Variants in SUCO observed in about 807,000 individuals in gnomAD.
The protein encoded by SUCO is SUN domain-containing ossification factor.
A neutral mutation model predicts 148.1 loss-of-function variants in SUCO; 57 were observed. The ratio of observed to expected loss-of-function variants is 0.38; its 90% confidence interval spans 0.31 to 0.48. SUCO has a LOEUF of 0.48. Among genes scored for constraint, SUCO ranks in the 20% least tolerant of loss-of-function variants. The probability of loss-of-function intolerance (pLI) is 0.96; values close to 1 mark genes in which losing one functional copy is unlikely to be tolerated. For missense variants in SUCO, 1,331 were observed against 1,468.2 expected (o/e 0.91, Z 1.53); for synonymous variants, 470 against 502.7 (o/e 0.93, Z 0.87).
intron 15 of SUCO, among the ~76,000 whole-genome samples, chr1:172,580,152 A>G (rs1462884719): frequency 6.6e-6 from 1 of 152,020 alleles, no homozygotes; most frequent in Non-Finnish European, 1.5e-5. Flanking sequence ...CTCTCCTTCT[A>G]GCCTTTTCTT....
At chr1:172,537,511 A>G (rs568125187) in intron 1 of SUCO, among the ~76,000 whole-genome samples, 6 of 152,288 alleles carry the variant, frequency 3.9e-5, no homozygotes, top group South Asian at 2.1e-4. Context: ...GTGAGGGTCA[A>G]TTCAGTTAAA....
upstream of SUCO, chr1:172,532,455 T>A (rs1044302330): frequency 1.9e-6 from 3 of 1,590,768 alleles, no homozygotes; most frequent in African/African-American, 4.1e-5. Context: ...CGAAAGGTTT[T>A]CCGCTGCAAC....
chr1:172,558,309 G>C (rs1653892394), intron 6 of SUCO, among the ~76,000 whole-genome samples: 1 of 152,164 alleles, frequency 6.6e-6, no homozygotes, highest in African/African-American at 2.4e-5. Context: ...CAGTGGAACA[G>C]TTTTACTTTC....
At chr1:172,549,786 A>G (rs1006164059) in intron 1 of SUCO, among the ~76,000 whole-genome samples, 1 of 151,820 alleles carries the variant, frequency 6.6e-6, no homozygotes, top group Non-Finnish European at 1.5e-5. Context: ...TAGTTGTAAC[A>G]TACACCCTTA....
intron 18 of SUCO, chr1:172,590,414 G>T (rs1471707383): frequency 1.0e-6 from 1 of 964,488 alleles, no homozygotes; most frequent in Non-Finnish European, 1.2e-6. Flanking sequence ...CCTAGTTCTA[G>T]TTGTAATAAT....
intron 6 of SUCO, among the ~76,000 whole-genome samples, chr1:172,559,510 G>A (rs1489467351): frequency 1.3e-5 from 2 of 152,192 alleles, no homozygotes; most frequent in African/African-American, 4.8e-5. Context: ...CAAGCCAGTG[G>A]TATTAAACAG....
At position 172,577,831 on chromosome 1, in the gene SUCO, C is replaced by CA; in HGVS notation, c.1340+16dup. The stretch of plus-strand genomic sequence containing the variant: ...TTAAGCCTTATAAGGTAATGCAGAA[C>CA]AAAATACATTTATTGAGTTTTTAAA... On this transcript the variant is annotated intron_variant, in intron 13 of 23. Transcript: ENST00000263688. The CA allele has an allele frequency of 1.9e-6, 3 of 1,588,068 alleles. No individual in the cohort carries two copies. Among genetic ancestry groups the CA allele is most frequent in the Non-Finnish European group, 2.6e-6 (3 of 1,165,930 alleles).
intron 19 of SUCO, among the ~76,000 whole-genome samples, chr1:172,593,498 T>C (rs1056603306): frequency 2.6e-5 from 4 of 152,242 alleles, no homozygotes; most frequent in African/African-American, 4.8e-5. Flanking sequence ...TTGTTGAATT[T>C]TGTCAAAGGC....
intron 1 of SUCO, among the ~76,000 whole-genome samples, chr1:172,540,319 G>GT (rs1652356713): frequency 1.3e-5 from 2 of 152,254 alleles, no homozygotes; most frequent in South Asian, 2.1e-4. Flanking sequence ...CAAAGTGTCA[G>GT]TTTTTTTCAT....
chr1:172,585,323 C>A, intron 16 of SUCO: 2 of 194,100 alleles, frequency 1.0e-5, no homozygotes, highest in Non-Finnish European at 1.9e-5. Context: ...CTTCTCCTAG[C>A]TCTAATATTA....
rs1653730966 is a variant in SUCO at position 172,556,014 on chromosome 1, C to T, written c.434C>T (p.Ser145Leu). 2 of 1,609,906 alleles carry T rather than the reference C, an allele frequency of 1.2e-6. No homozygotes were observed. Among genetic ancestry groups the T allele is most frequent in the South Asian group, 2.2e-5 (2 of 90,648 alleles). Reference protein sequence around the residue: ...SSSTSEITPISKLDEIEKSGT... With the variant: ...SSSTSEITPILKLDEIEKSGT... ...TCTACCTCAGAAATCACTCCAATCTCAAAGCTTGAGTAAGTTGTTACAAAA... is the reference window on the plus strand; with the variant it reads ...TCTACCTCAGAAATCACTCCAATCTTAAAGCTTGAGTAAGTTGTTACAAAA... The change falls in exon 4 of 24, where the codon TCA (serine) becomes TTA (leucine). Residue 145 changes from serine to leucine, a missense_variant. Ser to Leu is a moderately radical substitution (Grantham distance 145). This residue lies in a region of SUCO where 992 missense variants were observed against 1,093.5 expected (regional missense o/e 0.91). Transcript: ENST00000263688.
intron 14 of SUCO, among the ~76,000 whole-genome samples, chr1:172,578,797 T>C (rs1411330552): frequency 1.3e-5 from 2 of 152,052 alleles, no homozygotes; most frequent in Non-Finnish European, 2.9e-5. Flanking sequence ...CCTGTGACTC[T>C]AAAGAGTTAG....
rs982165159 is a variant in SUCO at position 172,569,087 on chromosome 1, T to C, written c.801T>C (p.Asp267=). The C allele has an allele frequency of 2.5e-6, 4 of 1,591,226 alleles. No individual in the cohort carries two copies. Among genetic ancestry groups the C allele is most frequent in the Non-Finnish European group, 2.6e-6 (3 of 1,170,100 alleles). ...TSVASPKDPE[D]IPTFDEWKKK... is the part of the protein sequence containing the mutation. ...TAGCAAGTCCCAAAGATCCAGAAGATATACCAACATTTGATGAATGGAAGA... is the reference window on the plus strand; with the variant it reads ...TAGCAAGTCCCAAAGATCCAGAAGACATACCAACATTTGATGAATGGAAGA... The change falls in exon 7 of 24, where the codon GAT becomes GAC. Residue 267 remains aspartate (D), a synonymous_variant. Coordinates refer to ENST00000263688, the MANE Select transcript of SUCO (RefSeq NM_014283.5).
chr1:172,588,710 C>T, intron 17 of SUCO, 50 bp from the exon 18 acceptor site: 1 of 1,307,824 alleles, frequency 7.6e-7, no homozygotes, highest in Admixed American at 3.4e-5. Context: ...CATATTTCAA[C>T]TTTAGACTTC....
intron 20 of SUCO, among the ~76,000 whole-genome samples, chr1:172,600,395 G>A (rs1345536688): frequency 6.6e-6 from 1 of 152,074 alleles, no homozygotes; most frequent in Non-Finnish European, 1.5e-5. Context: ...CTATAATATA[G>A]GTATAAAACT....
At position 172,564,639 on chromosome 1, in the gene SUCO, G is replaced by A. The variant is rs529311630; in HGVS notation, c.733-4380G>A. ...TTTTTTCATAAATTACCCAATCTCA[G>A]GTTGTTCTTTACAGCAATGTGAGAA... On this transcript the variant is annotated intron_variant, in intron 6 of 23. Transcript: ENST00000263688. Among the ~76,000 whole-genome samples, 7 of 151,514 alleles carry A rather than the reference G, an allele frequency of 4.6e-5. No homozygotes were observed. The South Asian group carries it at 1.5e-3, about 32-fold the overall frequency.
At chr1:172,572,236 T>A (rs1655071770) in intron 9 of SUCO, among the ~76,000 whole-genome samples, 2 of 148,538 alleles carry the variant, frequency 1.3e-5, no homozygotes, top group African/African-American at 5.0e-5. Context: ...ATGATGACAA[T>A]GGTGGTTTTG....
intron 6 of SUCO, among the ~76,000 whole-genome samples, chr1:172,562,371 G>A (rs1351355520): frequency 3.1e-5 from 4 of 127,634 alleles, no homozygotes; most frequent in African/African-American, 1.2e-4. Flanking sequence ...GTCTTGCTCT[G>A]TTGCCAATCT....
chr1:172,594,996 G>A (rs1296886555), intron 19 of SUCO, among the ~76,000 whole-genome samples: 1 of 152,078 alleles, frequency 6.6e-6, no homozygotes, highest in East Asian at 1.9e-4. Flanking sequence ...ATTTAGGATG[G>A]TTAGCTCTTC....
Sources: gnomAD v4.1 joint callset for allele counts (sites outside exome capture counted in the v4.1 genomes callset) on GRCh38, gnomAD v4.1.1 for gene constraint, gnomAD v4.1.1 regional missense constraint, MANE v1.5 for transcripts, NCBI Gene and HGNC (gene_info 2026-07-23, HGNC 2026-07-21) for gene names.